Variants in SHANK2 observed in about 807,000 individuals in gnomAD.
The protein encoded by SHANK2 is SH3 and multiple ankyrin repeat domains protein 2.
Under a neutral mutation model 133.7 loss-of-function variants are expected in SHANK2, and 43 were observed. That is an observed-to-expected ratio of 0.32 (90% CI 0.25 to 0.41). The LOEUF (loss-of-function observed/expected upper bound fraction) is 0.41, where lower values mean the gene tolerates loss of function less well. Among genes scored for constraint, SHANK2 ranks in the 10% least tolerant of loss-of-function variants. SHANK2 has a pLI of 1.00. For missense variants in SHANK2, 1,994 were observed against 2,235.8 expected (o/e 0.89, Z 2.18); for synonymous variants, 1,017 against 952.8 (o/e 1.07, Z -1.24).
In SHANK2 at chr11:70,725,405, T is replaced by C. The variant is rs531174293; in HGVS notation, c.1778-26642A>G. Among the ~76,000 whole-genome samples, 5 of 152,320 alleles carry C rather than the reference T, an allele frequency of 3.3e-5. No homozygotes were observed. In the East Asian group the frequency reaches 7.7e-4, roughly 24 times the overall value. On this transcript the variant is annotated intron_variant, in intron 14 of 25. Transcript: ENST00000601538. The stretch of plus-strand genomic sequence containing the variant: ...TTGGGTACTGGGACAGGAAGGCACA[T>C]GGCGCTGAGGGCTTGCCAGGGTGCG...
intron 18 of SHANK2, 93 bp from the exon 19 acceptor site, chr11:70,502,379 G>A (rs2059067472): frequency 1.6e-6 from 2 of 1,225,278 alleles, no homozygotes; most frequent in Non-Finnish European, 1.1e-6. Context: ...TGGCAGGTGG[G>A]TCTCAGGCTG....
intron 15 of SHANK2, among the ~76,000 whole-genome samples, chr11:70,680,808 G>A (rs533162140): frequency 6.6e-6 from 1 of 152,100 alleles, no homozygotes; most frequent in Non-Finnish European, 1.5e-5. Flanking sequence ...ACAATCTTTC[G>A]CAGATTGTGG....
At chr11:70,666,451 G>GT (rs1405509921) in intron 15 of SHANK2, among the ~76,000 whole-genome samples, 1 of 152,146 alleles carries the variant, frequency 6.6e-6, no homozygotes, top group Non-Finnish European at 1.5e-5. Flanking sequence ...ACCCTCAGAG[G>GT]CTCCTTCTGC....
At chr11:70,756,170 C>A (rs531291782) in intron 14 of SHANK2, among the ~76,000 whole-genome samples, 4 of 152,080 alleles carry the variant, frequency 2.6e-5, no homozygotes, top group African/African-American at 7.2e-5. Context: ...GTTCCCAGAG[C>A]GAGGCAGAGA....
At chr11:71,206,227 A>G (rs1365136777) in intron 2 of SHANK2, among the ~76,000 whole-genome samples, 9 of 152,196 alleles carry the variant, frequency 5.9e-5, no homozygotes, top group African/African-American at 2.2e-4. Context: ...GGACAGGCAC[A>G]CACACAGAGC....
chr11:70,646,067 A>T (rs1565210000), intron 17 of SHANK2: 1 of 152,238 alleles, frequency 6.6e-6, no homozygotes, highest in East Asian at 1.9e-4. Context: ...TTATTGAAAC[A>T]GTCCTTGTTA....
At chr11:70,539,930 T>G (rs188838426) in intron 17 of SHANK2, among the ~76,000 whole-genome samples, 1 of 152,262 alleles carries the variant, frequency 6.6e-6, no homozygotes, top group East Asian at 1.9e-4. Flanking sequence ...CCCCTGGTGG[T>G]GGCTGGCAAG....
At chr11:70,708,337 C>T (rs916227505) in intron 14 of SHANK2, among the ~76,000 whole-genome samples, 2 of 152,036 alleles carry the variant, frequency 1.3e-5, no homozygotes, top group South Asian at 4.2e-4. Flanking sequence ...GCCCTGGACA[C>T]TGCATTTCTC....
At chr11:71,189,967 C>T (rs782696797) in intron 2 of SHANK2, among the ~76,000 whole-genome samples, 18 of 152,328 alleles carry the variant, frequency 1.2e-4, no homozygotes, top group African/African-American at 2.2e-4. Flanking sequence ...ACTCCGAGCA[C>T]GAGGGCCCAG....
At chr11:70,623,993 C>G (rs187246139) in intron 17 of SHANK2, among the ~76,000 whole-genome samples, 1 of 152,124 alleles carries the variant, frequency 6.6e-6, no homozygotes, top group African/African-American at 2.4e-5. Flanking sequence ...GCTAAGGGTG[C>G]GCCCAGAGCT....
intron 3 of SHANK2, among the ~76,000 whole-genome samples, chr11:71,138,128 T>C (rs1590948437): frequency 1.7e-5 from 1 of 60,390 alleles, no homozygotes; most frequent in East Asian, 7.3e-4. Context: ...ACCACACCCC[T>C]GCACCAGCCG....
In SHANK2 at chr11:70,479,428, G is replaced by A. The variant is rs111829157; in HGVS notation, c.4979+5886C>T. ...AGGCAGGTACCGTGAGGCAGCAGGC[G>A]CAGGGGCCTCGGGAGGAAAACTCGC... On this transcript the variant is annotated intron_variant, in intron 25 of 25. Coordinates refer to ENST00000601538, the MANE Select transcript of SHANK2 (RefSeq NM_012309.5). This position sits in a 1 kb window ranked among gnomAD's most constrained non-coding sequence, Gnocchi z 4.4. 5.9e-5 allele frequency among the ~76,000 whole-genome samples: 9 copies of A among 152,348 alleles called. No homozygotes were observed. Among genetic ancestry groups the A allele is most frequent in the Admixed American group, 2.6e-4 (4 of 15,308 alleles).
At chr11:71,152,988 A>G (rs1952825973) in intron 2 of SHANK2, among the ~76,000 whole-genome samples, 1 of 152,206 alleles carries the variant, frequency 6.6e-6, no homozygotes, top group African/African-American at 2.4e-5. Context: ...GCATGTCCCA[A>G]ATAATTGCGT....
Position 71,188,163 on chromosome 11 carries a change from C to T in SHANK2, c.-13+36534G>A, listed in dbSNP as rs537316372. Among the ~76,000 whole-genome samples, 3 of 152,166 alleles carry T rather than the reference C, an allele frequency of 2.0e-5. No homozygotes were observed. The highest frequency in any genetic ancestry group is 4.4e-5 in the Non-Finnish European group (3 of 68,040). Reference sequence around the variant, plus strand: ...TCCCTCTGCCTCTGCCCCGTTTTCCCAGCCACTCCTGAGACCTGGTGATCT... The same window carrying T: ...TCCCTCTGCCTCTGCCCCGTTTTCCTAGCCACTCCTGAGACCTGGTGATCT... On this transcript the variant is annotated intron_variant, in intron 2 of 25. Coordinates refer to ENST00000601538, the MANE Select transcript of SHANK2 (RefSeq NM_012309.5). This position sits in a 1 kb window ranked among gnomAD's most constrained non-coding sequence, Gnocchi z 4.6.
At chr11:70,714,766 T>TC (rs1374337693) in intron 14 of SHANK2, among the ~76,000 whole-genome samples, 1 of 151,690 alleles carries the variant, frequency 6.6e-6, no homozygotes, top group Non-Finnish European at 1.5e-5. Flanking sequence ...TTTTCTTCCT[T>TC]CCTTTTTTTT....
intron 15 of SHANK2, among the ~76,000 whole-genome samples, chr11:70,680,583 T>C (rs1489283894): frequency 6.6e-6 from 1 of 152,110 alleles, no homozygotes; most frequent in Non-Finnish European, 1.5e-5. Context: ...CAGGACCATC[T>C]CCTAATCCAC....
intron 10 of SHANK2, among the ~76,000 whole-genome samples, chr11:70,899,266 T>G (rs1331031161): frequency 1.3e-5 from 2 of 152,044 alleles, no homozygotes; most frequent in Admixed American, 6.5e-5. Flanking sequence ...TGATAGTGAG[T>G]GAGTTCTCAT....
At chr11:70,786,083 A>G (rs1419832494) in intron 14 of SHANK2, among the ~76,000 whole-genome samples, 4 of 152,176 alleles carry the variant, frequency 2.6e-5, no homozygotes, top group Non-Finnish European at 5.9e-5. Flanking sequence ...CCGTGCCAGA[A>G]TTTCCAACAA....
intron 3 of SHANK2, among the ~76,000 whole-genome samples, chr11:71,127,328 C>T (rs1555102885): frequency 6.6e-6 from 1 of 152,120 alleles, no homozygotes; most frequent in East Asian, 1.9e-4. Flanking sequence ...TAGAATATTC[C>T]ATAAACTCAG....
Sources: gnomAD v4.1 joint callset for allele counts (sites outside exome capture counted in the v4.1 genomes callset) on GRCh38, gnomAD v4.1.1 for gene constraint, Gnocchi (gnomAD v3.1) non-coding constraint, MANE v1.5 for transcripts, NCBI Gene and HGNC (gene_info 2026-07-23, HGNC 2026-07-21) for gene names.